ELMO1: variants seen among roughly 807,000 people sequenced by gnomAD.
ELMO1 encodes engulfment and cell motility 1, also known as engulfment and cell motility protein 1.
In ELMO1, 26 loss-of-function variants were observed where a neutral mutation model predicts 98.9. That is an observed-to-expected ratio of 0.26 (90% CI 0.19 to 0.36). ELMO1 has a LOEUF of 0.36. ELMO1 is among the 10% of genes least tolerant of loss of function. ELMO1 has a pLI of 1.00. For synonymous variants in ELMO1, 346 were observed against 346.0 expected (o/e 1.00, Z 0.00); for missense variants, 627 against 935.2 (o/e 0.67, Z 4.30).
At chr7:37,074,107 ATATT>A (rs983996744) in intron 15 of ELMO1, among the ~76,000 whole-genome samples, 9 of 148,178 alleles carry the variant, frequency 6.1e-5, no homozygotes, top group East Asian at 1.9e-4. Context: ...GCAAAAATAT[ATATT>A]TAAGTATATA....
intron 13 of ELMO1, among the ~76,000 whole-genome samples, chr7:37,180,831 C>T (rs527288619): frequency 6.0e-4 from 91 of 151,866 alleles, no homozygotes; most frequent in African/African-American, 2.1e-3. Flanking sequence ...CACACACACA[C>T]ATGCACACGC....
intron 16 of ELMO1, among the ~76,000 whole-genome samples, chr7:36,978,520 A>C (rs565163793): frequency 2.0e-5 from 3 of 152,168 alleles, no homozygotes; most frequent in Admixed American, 1.3e-4. Context: ...AAAAATGTAC[A>C]TGTTTCTCAA....
chr7:37,125,689 A>G (rs1277943141), intron 14 of ELMO1, among the ~76,000 whole-genome samples: 3 of 152,220 alleles, frequency 2.0e-5, no homozygotes, highest in Non-Finnish European at 4.4e-5. Flanking sequence ...ACACTTTTAC[A>G]CCGTTGGTGG....
chr7:37,225,273 C>T (rs1161147221), intron 8 of ELMO1, among the ~76,000 whole-genome samples: 1 of 152,160 alleles, frequency 6.6e-6, no homozygotes, highest in African/African-American at 2.4e-5. Context: ...AAAAGACACA[C>T]CTCCAAGGAT....
intron 16 of ELMO1, among the ~76,000 whole-genome samples, chr7:36,987,267 A>C (rs1258895085): frequency 2.6e-5 from 4 of 151,700 alleles, no homozygotes; most frequent in Non-Finnish European, 5.9e-5. Context: ...AATGTCACCA[A>C]CTCTGAATGT....
At chr7:37,155,919 T>G (rs1296533187) in intron 13 of ELMO1, among the ~76,000 whole-genome samples, 1 of 152,150 alleles carries the variant, frequency 6.6e-6, no homozygotes, top group Admixed American at 6.6e-5. Flanking sequence ...ACCACATAAT[T>G]GGAAGTAAAA....
intron 2 of ELMO1, among the ~76,000 whole-genome samples, chr7:37,331,326 C>T (rs1302787581): frequency 7.2e-5 from 7 of 97,478 alleles, no homozygotes; most frequent in African/African-American, 2.1e-4. Flanking sequence ...CCAGCCGCCA[C>T]GCCTGGCTTT....
intron 4 of ELMO1, among the ~76,000 whole-genome samples, chr7:37,308,342 G>A (rs1435324040): frequency 1.3e-5 from 2 of 152,044 alleles, no homozygotes; most frequent in Admixed American, 6.5e-5. Flanking sequence ...TCTTTAAGAT[G>A]ACCTTAAAAA....
chr7:36,953,503 A>G (rs575394084), intron 16 of ELMO1, among the ~76,000 whole-genome samples: 4 of 152,334 alleles, frequency 2.6e-5, no homozygotes, highest in Admixed American at 2.0e-4. Flanking sequence ...ATTTACAGAA[A>G]ATGACTGTCA....
chr7:37,443,587 A>G (rs1177954480), intron 1 of ELMO1, among the ~76,000 whole-genome samples: 1 of 152,198 alleles, frequency 6.6e-6, no homozygotes, highest in African/African-American at 2.4e-5. Flanking sequence ...CTGCACTTAT[A>G]TTGTAACAGG....
chr7:37,373,169 C>T (rs1261263211), intron 1 of ELMO1, among the ~76,000 whole-genome samples: 1 of 152,182 alleles, frequency 6.6e-6, no homozygotes, highest in African/African-American at 2.4e-5. Context: ...TAGCAGAGGT[C>T]GGTTCTGGGA....
chr7:37,232,931 T>A lies in ELMO1; in HGVS notation c.549+164A>T, dbSNP rs376830260. On this transcript the variant is annotated intron_variant, in intron 8 of 21. Transcript: ENST00000310758. ...CTCTTACAATCATTTTTATACAGAATTTGGGTTTCCTGACCCCCACATACA... is the reference window on the plus strand; with the variant it reads ...CTCTTACAATCATTTTTATACAGAAATTGGGTTTCCTGACCCCCACATACA... 4.6e-5 allele frequency among the ~76,000 whole-genome samples: 7 copies of A among 152,296 alleles called. No homozygotes were observed. In the South Asian group the frequency reaches 1.0e-3, roughly 23 times the overall value.
intron 15 of ELMO1, among the ~76,000 whole-genome samples, chr7:37,029,268 C>G (rs1794748511): frequency 1.3e-5 from 2 of 152,150 alleles, no homozygotes; most frequent in Admixed American, 1.3e-4. Flanking sequence ...AAAAAGACCA[C>G]AGGCCTCTTT....
intron 13 of ELMO1, among the ~76,000 whole-genome samples, chr7:37,192,778 A>G (rs1791675042): frequency 7.6e-6 from 1 of 131,138 alleles, no homozygotes; most frequent in Non-Finnish European, 1.6e-5. Context: ...AGCCTGGGTG[A>G]CAAAACGAGA....
At chr7:37,199,592 G>A (rs750736267) in intron 13 of ELMO1, among the ~76,000 whole-genome samples, 8 of 152,158 alleles carry the variant, frequency 5.3e-5, no homozygotes, top group East Asian at 1.9e-4. Flanking sequence ...TCCCCATGCC[G>A]GAGTAGGAAG....
intron 13 of ELMO1, among the ~76,000 whole-genome samples, chr7:37,199,305 A>C (rs1792152263): frequency 6.6e-6 from 1 of 152,136 alleles, no homozygotes; most frequent in Admixed American, 6.5e-5. Flanking sequence ...TTTCCCTTAA[A>C]ATAGTTCCTC....
intron 1 of ELMO1, among the ~76,000 whole-genome samples, chr7:37,415,363 G>A (rs1415516698): frequency 6.6e-6 from 1 of 152,174 alleles, no homozygotes; most frequent in Non-Finnish European, 1.5e-5. Flanking sequence ...GTCTTCAAAT[G>A]CAAAGATGTC....
chr7:36,899,703 C>T (rs1168663256), intron 16 of ELMO1, among the ~76,000 whole-genome samples: 8 of 2,298 alleles, frequency 3.5e-3, no homozygotes, highest in African/African-American at 7.6e-3. Context: ...TTTTTTTTAC[C>T]ACTCCTAAAC....
At chr7:37,183,899 C>A (rs1791035180) in intron 13 of ELMO1, among the ~76,000 whole-genome samples, 1 of 152,182 alleles carries the variant, frequency 6.6e-6, no homozygotes, top group African/African-American at 2.4e-5. Context: ...TATATTGTTA[C>A]ATACAACTTC....
Sources: gnomAD v4.1 joint callset for allele counts (sites outside exome capture counted in the v4.1 genomes callset) on GRCh38, gnomAD v4.1.1 for gene constraint, MANE v1.5 for transcripts, NCBI Gene and HGNC (gene_info 2026-07-23, HGNC 2026-07-21) for gene names.